The following SCG5 variants were observed in gnomAD, a reference collection of about 807,000 sequenced individuals.
SCG5 encodes secretogranin V.
SCG5 carries 18 observed loss-of-function variants against 25.7 expected under a neutral mutation model. That is an observed-to-expected ratio of 0.70 (90% CI 0.48 to 1.04). SCG5 has a LOEUF of 1.04. SCG5 is among the 50% of genes least tolerant of loss of function. The probability of loss-of-function intolerance (pLI) is 0.00; values close to 1 mark genes in which losing one functional copy is unlikely to be tolerated. For synonymous variants in SCG5, 101 were observed against 91.7 expected (o/e 1.10, Z -0.58); for missense variants, 206 against 259.8 (o/e 0.79, Z 1.42).
At chr15:32,668,345 C>T (rs10083622) in intron 2 of SCG5, among the ~76,000 whole-genome samples, 6,351 of 152,304 alleles carry the variant, frequency 0.042, 403 homozygotes, top group African/African-American at 0.13. Context: ...AATTCAGGTA[C>T]GAATTTGTAA....
intron 2 of SCG5, among the ~76,000 whole-genome samples, chr15:32,676,558 CAATACCA>C (rs2054534065): frequency 6.6e-6 from 1 of 152,190 alleles, no homozygotes; most frequent in South Asian, 2.1e-4. Context: ...TCAAATATAT[CAATACCA>C]AGTGTACTGA....
chr15:32,692,191 A>T (rs2054870756), intron 5 of SCG5: 1 of 1,010,720 alleles, frequency 9.9e-7, no homozygotes. Flanking sequence ...ATGCTCCAGG[A>T]AATAACTTTG....
chr15:32,650,158 G>A (rs1308680711), intron 2 of SCG5, among the ~76,000 whole-genome samples: 1 of 152,092 alleles, frequency 6.6e-6, no homozygotes, highest in African/African-American at 2.4e-5. Context: ...GTGCAGTGGC[G>A]GGATCTCAGC....
rs898998037 is a variant in SCG5, at chr15:32,679,771, G to A, written c.232G>A (p.Ala78Thr). ...LVGPQSIEGG[A>T]HEGLQHLGPF... ...TACTTCTGATTCCCTCGCAGGTGGAGCTCATGAAGGACTTCAGCATTTGGG... is the reference window on the plus strand; with the variant it reads ...TACTTCTGATTCCCTCGCAGGTGGAACTCATGAAGGACTTCAGCATTTGGG... The change falls in exon 3 of 6, where the codon GCT becomes ACT. Residue 78 changes from alanine to threonine, a missense_variant. By Grantham distance (58) the Ala-to-Thr change is moderately conservative. Transcript: ENST00000300175. 1.2e-6 allele frequency: 2 copies of A among 1,613,932 alleles called. No homozygotes were observed. The highest frequency in any genetic ancestry group is 1.1e-5 in the South Asian group (1 of 91,064).
At chr15:32,675,823 A>ATT (rs2140562032) in intron 2 of SCG5, among the ~76,000 whole-genome samples, 1 of 152,294 alleles carries the variant, frequency 6.6e-6, no homozygotes, top group East Asian at 1.9e-4. Context: ...CAGAGCCTAC[A>ATT]TTTATCTGGT....
At chr15:32,643,289 A>G (rs78589632) in intron 1 of SCG5, among the ~76,000 whole-genome samples, 5,756 of 152,280 alleles carry the variant, frequency 0.038, 132 homozygotes, top group Non-Finnish European at 0.053. Flanking sequence ...CAGAACTTTC[A>G]GGGAGCTACA....
chr15:32,648,192 C>T (rs1226128773), intron 2 of SCG5, among the ~76,000 whole-genome samples: 1 of 152,154 alleles, frequency 6.6e-6, no homozygotes, highest in Non-Finnish European at 1.5e-5. Flanking sequence ...CCTTGATTTT[C>T]TCCATCACAC....
intron 2 of SCG5, among the ~76,000 whole-genome samples, chr15:32,653,580 T>C (rs950167707): frequency 1.3e-5 from 2 of 152,192 alleles, no homozygotes; most frequent in African/African-American, 4.8e-5. Context: ...TTGGCTCATA[T>C]AAACGTGGGG....
chr15:32,656,978 T>G (rs2054127869), intron 2 of SCG5, among the ~76,000 whole-genome samples: 1 of 151,236 alleles, frequency 6.6e-6, no homozygotes, highest in Admixed American at 6.6e-5. Context: ...GGGGTTCTAG[T>G]CCTAGCTCAG....
chr15:32,684,839 T>C (rs1300950493), intron 4 of SCG5, among the ~76,000 whole-genome samples, 170 bp downstream of exon 4: 2 of 152,182 alleles, frequency 1.3e-5, no homozygotes, highest in Non-Finnish European at 2.9e-5. Context: ...AAAACCACAC[T>C]TATGTGTCCA....
At chr15:32,676,302 T>C (rs1411292086) in intron 2 of SCG5, among the ~76,000 whole-genome samples, 1 of 152,216 alleles carries the variant, frequency 6.6e-6, no homozygotes, top group African/African-American at 2.4e-5. Flanking sequence ...GCTGCATTCA[T>C]TTTAATGGCA....
At chr15:32,681,853 T>C (rs1421147632) in intron 3 of SCG5, among the ~76,000 whole-genome samples, 2 of 152,144 alleles carry the variant, frequency 1.3e-5, no homozygotes, top group African/African-American at 4.8e-5. Flanking sequence ...GCTCCTCCTT[T>C]CATTTAGGAT....
chr15:32,663,050 T>TA (rs566335553), intron 2 of SCG5, among the ~76,000 whole-genome samples: 1 of 31,824 alleles, frequency 3.1e-5, no homozygotes, highest in Non-Finnish European at 6.2e-5. Context: ...TATATATATA[T>TA]ATATATATAT....
intron 2 of SCG5, among the ~76,000 whole-genome samples, chr15:32,661,832 G>A (rs754810468): frequency 2.6e-5 from 4 of 152,144 alleles, no homozygotes; most frequent in South Asian, 2.1e-4. Flanking sequence ...AAAAGCTGTC[G>A]TGGATCATTT....
intron 2 of SCG5, among the ~76,000 whole-genome samples, chr15:32,678,084 A>T (rs539241301): frequency 6.6e-6 from 1 of 152,366 alleles, no homozygotes; most frequent in South Asian, 2.1e-4. Context: ...TGGATTAAAG[A>T]GTTAACTTAC....
At chr15:32,648,214 A>G (rs1408953953) in intron 2 of SCG5, among the ~76,000 whole-genome samples, 1 of 152,118 alleles carries the variant, frequency 6.6e-6, no homozygotes, top group Non-Finnish European at 1.5e-5. Flanking sequence ...TCATGCCTCA[A>G]TTTTAAGTAA....
At chr15:32,652,459 A>G (rs2054048395) in intron 2 of SCG5, among the ~76,000 whole-genome samples, 1 of 152,180 alleles carries the variant, frequency 6.6e-6, no homozygotes, top group African/African-American at 2.4e-5. Flanking sequence ...GAACTTGCTG[A>G]AGTGCTAATT....
chr15:32,686,525 T>C (rs1455022906), intron 4 of SCG5, among the ~76,000 whole-genome samples: 2 of 152,150 alleles, frequency 1.3e-5, no homozygotes, highest in African/African-American at 4.8e-5. Context: ...ATGGACAATA[T>C]GAACTTTTTC....
chr15:32,651,138 G>A (rs1330485986), intron 2 of SCG5, among the ~76,000 whole-genome samples: 5 of 152,176 alleles, frequency 3.3e-5, no homozygotes, highest in African/African-American at 9.7e-5. Context: ...GGCAGAGATT[G>A]CAGTGAGCCA....
Sources: gnomAD v4.1 joint callset for allele counts (sites outside exome capture counted in the v4.1 genomes callset) on GRCh38, gnomAD v4.1.1 for gene constraint, MANE v1.5 for transcripts, NCBI Gene and HGNC (gene_info 2026-07-23, HGNC 2026-07-21) for gene names.